Variants in SLCO2A1 observed in about 807,000 individuals in gnomAD.
The protein encoded by SLCO2A1 is matrin F/G 1.
A neutral mutation model predicts 71.7 loss-of-function variants in SLCO2A1; 60 were observed. The observed-to-expected ratio is 0.84, with a 90% CI of 0.68 to 1.04. SLCO2A1 has a LOEUF of 1.04. Among genes scored for constraint, SLCO2A1 ranks in the 50% least tolerant of loss-of-function variants. SLCO2A1 has a pLI of 0.00. For missense variants in SLCO2A1, 745 were observed against 813.4 expected (o/e 0.92, Z 1.02); for synonymous variants, 308 against 326.7 (o/e 0.94, Z 0.62).
At chr3:133,946,504 A>C (rs972321937) in intron 9 of SLCO2A1, among the ~76,000 whole-genome samples, 17 of 152,152 alleles carry the variant, frequency 1.1e-4, no homozygotes, top group African/African-American at 3.9e-4. Flanking sequence ...CACCTGCCCT[A>C]ATTTTTCAAG....
chr3:133,973,518 C>T (rs1934377134), intron 3 of SLCO2A1, 145 bp downstream of exon 3: 1 of 844,280 alleles, frequency 1.2e-6, no homozygotes, highest in Admixed American at 2.7e-5. Context: ...TCAGTTGCTC[C>T]ATAGCTCTAC....
intron 3 of SLCO2A1, among the ~76,000 whole-genome samples, chr3:133,965,303 G>A (rs1424410742): frequency 6.6e-6 from 1 of 152,224 alleles, no homozygotes; most frequent in African/African-American, 2.4e-5. Context: ...TAGACAAGAT[G>A]AGGACACATG....
chr3:133,960,411 G>A (rs537210163), intron 3 of SLCO2A1, among the ~76,000 whole-genome samples: 9 of 152,310 alleles, frequency 5.9e-5, no homozygotes, highest in Admixed American at 2.0e-4. Flanking sequence ...CAGCACAGAT[G>A]AGCCTTGAGG....
rs981678541 is a variant in SLCO2A1, at chr3:133,933,637, A to G, written c.*1076T>C. Reference sequence around the variant, plus strand: ...GAGCATGTCTGAAACCAGGAAAGCCAACCTGACTGGCTGTTTTGTGGGCCG... The same window carrying G: ...GAGCATGTCTGAAACCAGGAAAGCCGACCTGACTGGCTGTTTTGTGGGCCG... On this transcript the variant is annotated 3_prime_UTR_variant, in exon 14 of 14. Coordinates refer to ENST00000310926, the MANE Select transcript of SLCO2A1 (RefSeq NM_005630.3). 1 of 152,242 alleles carries G rather than the reference A, an allele frequency of 6.6e-6. No homozygotes were observed. The highest frequency in any genetic ancestry group is 1.5e-5 in the Non-Finnish European group (1 of 68,050). 9.4% of individuals were successfully genotyped at this position (152,242 alleles called of 1,614,324 possible).
intron 6 of SLCO2A1, among the ~76,000 whole-genome samples, chr3:133,950,330 C>T (rs1338614576): frequency 6.6e-6 from 1 of 152,176 alleles, no homozygotes; most frequent in East Asian, 1.9e-4. Context: ...AAACATTGAG[C>T]TCTATTTTGG....
chr3:133,939,452 G>C (rs1933360174), intron 11 of SLCO2A1, among the ~76,000 whole-genome samples: 1 of 152,180 alleles, frequency 6.6e-6, no homozygotes, highest in Non-Finnish European at 1.5e-5. Flanking sequence ...CAGTGCTAGG[G>C]GACAGTGAGG....
chr3:133,969,741 G>A (rs1260765284), intron 3 of SLCO2A1, among the ~76,000 whole-genome samples: 1 of 152,152 alleles, frequency 6.6e-6, no homozygotes, highest in Non-Finnish European at 1.5e-5. Context: ...CATTTTATAG[G>A]TAAGGAAACT....
chr3:134,012,513 T>A (rs1935364661), intron 1 of SLCO2A1, among the ~76,000 whole-genome samples: 1 of 152,224 alleles, frequency 6.6e-6, no homozygotes, highest in Non-Finnish European at 1.5e-5. Context: ...ATGAGCTTTC[T>A]CATCACTGTC....
At chr3:133,956,246 C>T (rs1344264142) in intron 3 of SLCO2A1, among the ~76,000 whole-genome samples, 2 of 152,176 alleles carry the variant, frequency 1.3e-5, no homozygotes, top group African/African-American at 2.4e-5. Flanking sequence ...AACCGAGCGC[C>T]GTAGACTAGC....
At chr3:133,992,591 A>G (rs1389462136) in intron 1 of SLCO2A1, among the ~76,000 whole-genome samples, 1 of 152,068 alleles carries the variant, frequency 6.6e-6, no homozygotes, top group African/African-American at 2.4e-5. Flanking sequence ...ATAACCACCC[A>G]TGGCCCGCCC....
intron 1 of SLCO2A1, among the ~76,000 whole-genome samples, chr3:133,982,731 C>T (rs943104689): frequency 3.9e-5 from 6 of 152,064 alleles, no homozygotes; most frequent in Admixed American, 3.9e-4. Flanking sequence ...CCTCACCATC[C>T]CTCCTCAGAT....
At chr3:133,996,454 T>C (rs1934966838) in intron 1 of SLCO2A1, among the ~76,000 whole-genome samples, 1 of 152,180 alleles carries the variant, frequency 6.6e-6, no homozygotes, top group Non-Finnish European at 1.5e-5. Flanking sequence ...TCCCCAGTGC[T>C]CTGCTCTGAC....
chr3:134,016,376 AG>A (rs1935455971), intron 1 of SLCO2A1, among the ~76,000 whole-genome samples: 1 of 152,206 alleles, frequency 6.6e-6, no homozygotes, highest in South Asian at 2.1e-4. Flanking sequence ...GGCAAAATAT[AG>A]GAAAAAACAT....
At chr3:134,024,150 C>A (rs948345139) in intron 1 of SLCO2A1, among the ~76,000 whole-genome samples, 2 of 152,248 alleles carry the variant, frequency 1.3e-5, no homozygotes, top group Non-Finnish European at 2.9e-5. Context: ...CTTTACTGGG[C>A]ACTCTGCTGA....
chr3:133,942,805 GTTA>G (rs1933462822), intron 10 of SLCO2A1, 37 bp from the exon 11 acceptor site: 1 of 1,568,994 alleles, frequency 6.4e-7, no homozygotes, highest in South Asian at 1.2e-5. Context: ...GGGGAAATTT[GTTA>G]TTATTTCACT....
intron 1 of SLCO2A1, among the ~76,000 whole-genome samples, chr3:134,002,023 A>T (rs1380430811): frequency 6.6e-6 from 1 of 152,242 alleles, no homozygotes; most frequent in Non-Finnish European, 1.5e-5. Flanking sequence ...GGGCAAGAGT[A>T]GCCACAAAGG....
chr3:133,954,625 G>C (rs557799324), intron 4 of SLCO2A1, among the ~76,000 whole-genome samples: 112 of 152,304 alleles, frequency 7.4e-4, no homozygotes, highest in Middle Eastern at 3.4e-3. Context: ...GCAACAGTAG[G>C]TGCTGTTGGT....
chr3:133,945,314 C>T, intron 9 of SLCO2A1, 54 bp from the exon 10 acceptor site: 1 of 1,534,808 alleles, frequency 6.5e-7, no homozygotes, highest in Non-Finnish European at 8.8e-7. Context: ...AAAGAAAAAC[C>T]CTACACTCCA....
chr3:133,947,163 T>C (rs1933602901), intron 9 of SLCO2A1, 93 bp downstream of exon 9: 1 of 1,063,278 alleles, frequency 9.4e-7, no homozygotes, highest in Non-Finnish European at 1.3e-6. Flanking sequence ...CAGCAAAGAA[T>C]AGAGTTAAGG....
Sources: gnomAD v4.1 joint callset for allele counts (sites outside exome capture counted in the v4.1 genomes callset) on GRCh38, gnomAD v4.1.1 for gene constraint, MANE v1.5 for transcripts, NCBI Gene and HGNC (gene_info 2026-07-23, HGNC 2026-07-21) for gene names.